STAP2: variants seen among roughly 807,000 people sequenced by gnomAD.
STAP2 encodes signal transducing adaptor family member 2.
In STAP2, 58 loss-of-function variants were observed where a neutral mutation model predicts 52.7. That is an observed-to-expected ratio of 1.10 (90% CI 0.89 to 1.37). The LOEUF (loss-of-function observed/expected upper bound fraction) is 1.37, where lower values mean the gene tolerates loss of function less well. STAP2 is among the 40% of genes most tolerant of loss of function. The pLI is 0.00. For synonymous variants in STAP2, 231 were observed against 210.5 expected (o/e 1.10, Z -0.84); for missense variants, 522 against 519.4 (o/e 1.00, Z -0.05).
intron 1 of STAP2, among the ~76,000 whole-genome samples, chr19:4,337,929 A>G (rs563913702): frequency 6.6e-6 from 1 of 151,994 alleles, no homozygotes; most frequent in Non-Finnish European, 1.5e-5. Flanking sequence ...CTGGGGCGGG[A>G]GGTTCACTTG....
chr19:4,334,401 C>G (rs958585544), intron 1 of STAP2, among the ~76,000 whole-genome samples: 2 of 152,096 alleles, frequency 1.3e-5, no homozygotes, highest in African/African-American at 4.8e-5. Flanking sequence ...CAGCTACCCA[C>G]TAGCCATCTA....
At chr19:4,333,021 C>A (rs141405840) in intron 3 of STAP2, among the ~76,000 whole-genome samples, 1 of 151,472 alleles carries the variant, frequency 6.6e-6, no homozygotes, top group Non-Finnish European at 1.5e-5. Context: ...GAAACCCTGT[C>A]TCTACCAAAA....
intron 2 of STAP2, 52 bp from the exon 3 acceptor site, chr19:4,333,868 C>A (rs770627193): frequency 1.2e-6 from 2 of 1,612,942 alleles, no homozygotes; most frequent in Non-Finnish European, 1.7e-6. Context: ...GCCTCCAGGC[C>A]CCCTGGATGA....
At chr19:4,337,156 C>T (rs1466705348) in intron 1 of STAP2, among the ~76,000 whole-genome samples, 1 of 151,658 alleles carries the variant, frequency 6.6e-6, no homozygotes, top group African/African-American at 2.4e-5. Context: ...CTAATCCCAG[C>T]AGTTTGGGAG....
chr19:4,333,673 C>T (rs1396739705), intron 3 of STAP2, 21 bp downstream of exon 3: 1 of 1,603,786 alleles, frequency 6.2e-7, no homozygotes, highest in South Asian at 1.1e-5. Flanking sequence ...CCCCTCTGCA[C>T]CCCTCCAGCA....
chr19:4,325,431 C>G lies in STAP2; in HGVS notation c.944G>C (p.Gly315Ala). ...CTCATAGTCAACAGCTGGGCCATCT[C>G]CAATGGGGGTCACGTAGTTCTCTTC... ...NQEENYVTPI[G>A]DGPAVDYENQ... The change falls in exon 10 of 13, where the codon GGA (glycine) becomes GCA (alanine). Residue 315 changes from glycine (G) to alanine (A), a missense_variant. Physicochemically the swap from Gly to Ala is moderately conservative, Grantham distance 60. Coordinates refer to ENST00000594605, the MANE Select transcript of STAP2 (RefSeq NM_001013841.2). 6.2e-7 allele frequency: 1 copy of G among 1,614,218 alleles called. No individual in the cohort carries two copies. Among genetic ancestry groups the G allele is most frequent in the South Asian group, 1.1e-5 (1 of 91,080 alleles).
intron 6 of STAP2, 70 bp downstream of exon 6, chr19:4,328,605 G>T: frequency 6.5e-7 from 1 of 1,532,368 alleles, no homozygotes. Context: ...CCCTGCTTCT[G>T]ACCACGCCCC....
intron 9 of STAP2, 63 bp downstream of exon 9, chr19:4,326,879 G>A: frequency 1.3e-6 from 2 of 1,532,274 alleles, no homozygotes; most frequent in Non-Finnish European, 1.8e-6. Flanking sequence ...CTGACTGAGG[G>A]GGCGTGGCTG....
At position 4,338,664 on chromosome 19, in the gene STAP2, C is replaced by G. The variant is rs1368550622; in HGVS notation, c.90G>C (p.Gly30=). ...HYYESFLEKK[G]PCDRDYKKFW... Reference sequence around the variant, plus strand: ...CTCCCCACCTTACCCGGTCACAGGGCCCCTTCTTCTCTAGAAAGCTCTCAT... The same window carrying G: ...CTCCCCACCTTACCCGGTCACAGGGGCCCTTCTTCTCTAGAAAGCTCTCAT... Residue 30 remains glycine (G), a synonymous_variant, in exon 1 of 13, where the codon GGG becomes GGC. Coordinates refer to ENST00000594605, the MANE Select transcript of STAP2 (RefSeq NM_001013841.2). 1 of 1,611,102 alleles carries G rather than the reference C, an allele frequency of 6.2e-7. No individual in the cohort carries two copies. The highest frequency in any genetic ancestry group is 1.3e-5 in the African/African-American group (1 of 74,774).
At chr19:4,334,509 ACCAT>A (rs1971942104) in intron 1 of STAP2, among the ~76,000 whole-genome samples, 1 of 150,650 alleles carries the variant, frequency 6.6e-6, no homozygotes, top group African/African-American at 2.4e-5. Flanking sequence ...CCATCTGCCC[ACCAT>A]CCATCCACCA....
chr19:4,329,964 G>A lies in STAP2; in HGVS notation c.452C>T (p.Pro151Leu). Reference sequence around the variant, plus strand: ...TCGGGACAGGCGGGACACTCACGAGGGTGTCTCCAGTGCACGGCGCGCCTC... The same window carrying A: ...TCGGGACAGGCGGGACACTCACGAGAGTGTCTCCAGTGCACGGCGCGCCTC... ...KEEARRALETPSCFLKVSRLE... is the reference protein window; with the variant it reads ...KEEARRALETLSCFLKVSRLE... The change falls in exon 5 of 13, where the codon CCC (proline) becomes CTC (leucine). Residue 151 changes from proline to leucine, a missense_variant. Transcript: ENST00000594605. The A allele has an allele frequency of 6.2e-7, 1 of 1,612,616 alleles. No individual in the cohort carries two copies.
At chr19:4,336,759 C>A (rs1971986769) in intron 1 of STAP2, among the ~76,000 whole-genome samples, 1 of 152,096 alleles carries the variant, frequency 6.6e-6, no homozygotes, top group Non-Finnish European at 1.5e-5. Context: ...CTCTGCCTCC[C>A]AAGTAGCTGG....
At position 4,327,021 on chromosome 19, in the gene STAP2, G is replaced by T. The variant is rs779168636; in HGVS notation, c.764-14C>A. The T allele has an allele frequency of 6.4e-7, 1 of 1,574,528 alleles. No homozygotes were observed. Among genetic ancestry groups the T allele is most frequent in the Admixed American group, 1.9e-5 (1 of 53,846 alleles). On this transcript the variant is annotated splice_polypyrimidine_tract_variant and intron_variant, in intron 8 of 12. Transcript: ENST00000594605. ...CTTCCACGTAGCCTGGAACAGAGAGGGCGGCCTGGAGGAAGCGCGGCGGCC... is the reference window on the plus strand; with the variant it reads ...CTTCCACGTAGCCTGGAACAGAGAGTGCGGCCTGGAGGAAGCGCGGCGGCC...
intron 1 of STAP2, among the ~76,000 whole-genome samples, chr19:4,334,534 C>T (rs1435344544): frequency 6.6e-6 from 1 of 150,470 alleles, no homozygotes; most frequent in Non-Finnish European, 1.5e-5. Flanking sequence ...ATCCGTCCAC[C>T]CACCCACCCA....
At chr19:4,338,631 G>A (rs773177516) in intron 1 of STAP2, 21 bp downstream of exon 1, 1 of 1,378,630 alleles carries the variant, frequency 7.3e-7, no homozygotes, top group South Asian at 1.2e-5. Flanking sequence ...AGCAGGGCCA[G>A]CCCCCGCCTC....
At chr19:4,330,711 ATTTTTTTT>A (rs1210010568) in intron 4 of STAP2, among the ~76,000 whole-genome samples, 7 of 117,190 alleles carry the variant, frequency 6.0e-5, no homozygotes, top group African/African-American at 1.7e-4. Flanking sequence ...ATGTCAGCTA[ATTTTTTTT>A]TTTTTTTTTT....
At chr19:4,338,085 G>C (rs565788861) in intron 1 of STAP2, 1 of 152,086 alleles carries the variant, frequency 6.6e-6, no homozygotes, top group Non-Finnish European at 1.5e-5. Context: ...CACGGGGAAC[G>C]GAGGGGCTGG....
chr19:4,333,113 C>A (rs1195547338), intron 3 of STAP2, among the ~76,000 whole-genome samples: 1 of 151,902 alleles, frequency 6.6e-6, no homozygotes, highest in Non-Finnish European at 1.5e-5. Flanking sequence ...TCACTTAAAC[C>A]TGGGAGGCAG....
intron 1 of STAP2, among the ~76,000 whole-genome samples, chr19:4,336,973 C>G (rs1443173026): frequency 6.6e-6 from 1 of 152,072 alleles, no homozygotes; most frequent in African/African-American, 2.4e-5. Context: ...TCTACTGGCT[C>G]TAAAGGGTTT....
Sources: gnomAD v4.1 joint callset for allele counts (sites outside exome capture counted in the v4.1 genomes callset) on GRCh38, gnomAD v4.1.1 for gene constraint, MANE v1.5 for transcripts, NCBI Gene and HGNC (gene_info 2026-07-23, HGNC 2026-07-21) for gene names.